The following SLC38A12 variants were observed in gnomAD, a reference collection of about 807,000 sequenced individuals.
SLC38A12 encodes the protein putative sodium-coupled neutral amino acid transporter 12.
At chr17:74,795,597 C>T in the SLC38A12 span, 25 of 1,613,852 alleles carry the variant, frequency 1.5e-5, no homozygotes, top group Middle Eastern at 1.6e-4. Context: ...GTGCTGGGGG[C>T]CCCTGCGCCG....
the SLC38A12 span, chr17:74,838,019 C>G: frequency 0.17 from 167,600 of 985,580 alleles, 14,593 homozygotes; most frequent in African/African-American, 0.25. Context: ...TCAGCGTCTT[C>G]AGACCTCTGA....
At chr17:74,788,922 C>T in the SLC38A12 span, 19 of 1,544,954 alleles carry the variant, frequency 1.2e-5, no homozygotes, top group Non-Finnish European at 1.5e-5. Flanking sequence ...GTCAGGTACC[C>T]AGCAGGCGGT....
chr17:74,816,371 A>C, the SLC38A12 span, among the ~76,000 whole-genome samples: 1 of 152,232 alleles, frequency 6.6e-6, no homozygotes, highest in East Asian at 1.9e-4. Context: ...AGCCTGGGCA[A>C]CTGGAGGTGG....
chr17:74,796,316 C>G, the SLC38A12 span, among the ~76,000 whole-genome samples: 4 of 152,216 alleles, frequency 2.6e-5, no homozygotes, highest in Non-Finnish European at 5.9e-5. Flanking sequence ...TGTTAATATT[C>G]TCTGCTTCCT....
the SLC38A12 span, chr17:74,838,926 A>G: frequency 2.0e-6 from 3 of 1,535,636 alleles, no homozygotes; most frequent in African/African-American, 4.1e-5. Context: ...GCAGAAGAGG[A>G]TGCCAGCCCA....
At chr17:74,829,569 G>A in the SLC38A12 span, among the ~76,000 whole-genome samples, 9 of 152,196 alleles carry the variant, frequency 5.9e-5, no homozygotes, top group Non-Finnish European at 1.0e-4. This position sits in a 1 kb window ranked among gnomAD's most constrained non-coding sequence, Gnocchi z 4.1. Context: ...CAGGGAGAGC[G>A]TGGGCGGCAT....
chr17:74,795,236 C>G, the SLC38A12 span: 1,663 of 808,978 alleles, frequency 2.1e-3, 3 homozygotes, highest in Non-Finnish European at 3.1e-3. Flanking sequence ...AATGCAGATG[C>G]CCAGGCCCTT....
At chr17:74,797,429 G>A in the SLC38A12 span, among the ~76,000 whole-genome samples, 261 of 152,360 alleles carry the variant, frequency 1.7e-3, 1 homozygote, top group African/African-American at 5.1e-3. Context: ...CAGAACAGGA[G>A]TGGAGACCCT....
chr17:74,791,217 C>G, the SLC38A12 span, among the ~76,000 whole-genome samples: 1 of 152,206 alleles, frequency 6.6e-6, no homozygotes, highest in African/African-American at 2.4e-5. Flanking sequence ...GGATTCCTCC[C>G]TGTCTGCGGG....
chr17:74,835,077 G>A, the SLC38A12 span, among the ~76,000 whole-genome samples: 1 of 152,214 alleles, frequency 6.6e-6, no homozygotes, highest in East Asian at 1.9e-4. Flanking sequence ...AAAGGGCTGC[G>A]AACTGAAGCC....
At chr17:74,791,118 TC>T in the SLC38A12 span, 1 of 1,263,560 alleles carries the variant, frequency 7.9e-7, no homozygotes, top group Non-Finnish European at 1.1e-6. Context: ...TAATGAGGGC[TC>T]CACCCTGACA....
the SLC38A12 span, among the ~76,000 whole-genome samples, chr17:74,798,870 G>A: frequency 4.0e-5 from 6 of 151,720 alleles, no homozygotes; most frequent in African/African-American, 9.7e-5. Context: ...CAGTTTCTCC[G>A]GCTTTGGTAG....
the SLC38A12 span, chr17:74,788,746 T>A: frequency 6.3e-7 from 1 of 1,582,900 alleles, no homozygotes; most frequent in Non-Finnish European, 8.6e-7. Context: ...CTCTGTCTCC[T>A]CCAACCTGTC....
chr17:74,833,133 C>T, the SLC38A12 span, among the ~76,000 whole-genome samples: 1 of 152,192 alleles, frequency 6.6e-6, no homozygotes, highest in East Asian at 1.9e-4. Context: ...AAGTGATTCT[C>T]CTGCCTCAGC....
the SLC38A12 span, among the ~76,000 whole-genome samples, chr17:74,816,847 T>G: frequency 2.0e-5 from 3 of 152,166 alleles, no homozygotes; most frequent in African/African-American, 4.8e-5. Context: ...TAATGTCATA[T>G]GGGCTAGACT....
At chr17:74,795,723 TC>T in the SLC38A12 span, 2 of 1,006,082 alleles carry the variant, frequency 2.0e-6, no homozygotes, top group Non-Finnish European at 3.0e-6. Context: ...TAGAATCCTT[TC>T]CCCAGAGAGG....
chr17:74,787,147 G>T, the SLC38A12 span, among the ~76,000 whole-genome samples: 7 of 152,210 alleles, frequency 4.6e-5, no homozygotes, highest in African/African-American at 1.4e-4. Flanking sequence ...TTGGAATGGG[G>T]GTTTCAGAGC....
chr17:74,836,613 T>G, the SLC38A12 span: 1 of 1,613,254 alleles, frequency 6.2e-7, no homozygotes. The surrounding 1 kb of genome is among the most constrained non-coding windows in gnomAD (Gnocchi z 4.2). Flanking sequence ...CTGGGTGGGC[T>G]TCGTGCTGCT....
the SLC38A12 span, among the ~76,000 whole-genome samples, chr17:74,830,150 A>G: frequency 6.6e-6 from 1 of 152,202 alleles, no homozygotes; most frequent in African/African-American, 2.4e-5. Flanking sequence ...ACACCTACTC[A>G]TCCCCATCTG....
Sources: gnomAD v4.1 joint callset for allele counts (sites outside exome capture counted in the v4.1 genomes callset) on GRCh38, gnomAD v4.1.1 for gene constraint, Gnocchi (gnomAD v3.1) non-coding constraint, MANE v1.5 for transcripts, NCBI Gene and HGNC (gene_info 2026-07-23, HGNC 2026-07-21) for gene names.